Variants in UBE2O observed in about 807,000 individuals in gnomAD.
UBE2O encodes the protein ubiquitin conjugating enzyme E2 O, also known as (E3-independent) E2 ubiquitin-conjugating enzyme.
UBE2O carries 15 observed loss-of-function variants against 125.8 expected under a neutral mutation model. The ratio of observed to expected loss-of-function variants is 0.12; its 90% CI spans 0.08 to 0.18. The LOEUF is 0.18. UBE2O is among the 10% of genes least tolerant of loss of function. The pLI is 1.00. For synonymous variants in UBE2O, 708 were observed against 703.2 expected, an observed-to-expected ratio of 1.01 and a Z score of -0.11; for missense variants, 1,280 against 1,723.6, an observed-to-expected ratio of 0.74 and a Z score of 4.56.
Position 76,404,398 on chromosome 17 carries a change from G to A in UBE2O, c.588+808C>T, listed in dbSNP as rs2072382423. ...AACACGTGGGCATGAGGCAACACCAGGAAGACCCAGGCTGAGGGTCAAATT... is the reference window on the plus strand; with the variant it reads ...AACACGTGGGCATGAGGCAACACCAAGAAGACCCAGGCTGAGGGTCAAATT... On this transcript the variant is annotated intron_variant, in intron 3 of 17. Coordinates refer to ENST00000319380, the MANE Select transcript of UBE2O (RefSeq NM_022066.4). This position sits in a 1 kb window ranked among gnomAD's most constrained non-coding sequence, Gnocchi z 4.3. Among the ~76,000 whole-genome samples, 1 of 152,334 alleles carries A rather than the reference G, an allele frequency of 6.6e-6. No individual in the cohort carries two copies. The highest frequency in any genetic ancestry group is 2.1e-4 in the South Asian group (1 of 4,828).
In UBE2O at chr17:76,399,797, G is replaced by T. The variant is rs762840507; in HGVS notation, c.1280C>A (p.Ala427Glu). The T allele has an allele frequency of 6.2e-7, 1 of 1,614,218 alleles. No homozygotes were observed. The highest frequency in any genetic ancestry group is 1.7e-5 in the Admixed American group (1 of 60,028). ...CGTCTCCTCAGGGCTGGCAGACTCC[G>T]CTTCGCTCTTGGTTTTGGATTCCCC... ...KKGESKTKSEAESASPEETPD... is the reference protein window; with the variant it reads ...KKGESKTKSEEESASPEETPD... Residue 427 changes from alanine (A) to glutamate (E), a missense_variant, in exon 9 of 18, where the codon GCG (alanine) becomes GAG (glutamate). Physicochemically the swap from Ala to Glu is moderately radical, Grantham distance 107 (BLOSUM62 -1). Around this residue, in one of 10 missense-constraint regions of UBE2O, gnomAD observed 141 missense variants for 141.3 expected, o/e 1.00. Transcript: ENST00000319380. This position sits in a 1 kb window ranked among gnomAD's most constrained non-coding sequence, Gnocchi z 6.9.
rs1461962492 is a variant in UBE2O at position 76,452,404 on chromosome 17, C to G, written c.417+321G>C. ...CACTGGTGTAACGCCGAACGCGCCC[C>G]AGAACCTGAGTCCCCACGGGAGTCG... is the stretch of plus-strand genomic sequence containing the variant. On this transcript the variant is annotated intron_variant, in intron 1 of 17. Coordinates refer to ENST00000319380, the MANE Select transcript of UBE2O (RefSeq NM_022066.4). This position sits in a 1 kb window ranked among gnomAD's most constrained non-coding sequence, Gnocchi z 4.4. Among the ~76,000 whole-genome samples the G allele has an allele frequency of 6.6e-6, 1 of 152,160 alleles. No homozygotes were observed. The highest frequency in any genetic ancestry group is 1.5e-5 in the Non-Finnish European group (1 of 68,032).
intron 1 of UBE2O, chr17:76,430,944 T>A (rs989664906): frequency 3.3e-5 from 12 of 363,330 alleles, no homozygotes; most frequent in South Asian, 6.7e-5. Flanking sequence ...TACATCTGCC[T>A]AGATTCCTTG....
chr17:76,399,875 G>A lies in UBE2O; in HGVS notation c.1202C>T (p.Ser401Phe). ...GTCCCGGGAACACTGGGTGTCTGGG[G>A]AGCATGACATGATCCGCACAACCTG... Reference protein sequence around the residue: ...KKQVVRIMSCSPDTQCSRDHS... With the variant: ...KKQVVRIMSCFPDTQCSRDHS... Residue 401 changes from serine (S) to phenylalanine (F), a missense_variant, in exon 9 of 18, where the codon TCC becomes TTC. Ser to Phe is a radical substitution (Grantham distance 155). This residue lies in a region of UBE2O where 141 missense variants were observed against 141.3 expected (regional missense o/e 1.00). Transcript: ENST00000319380. This position sits in a 1 kb window ranked among gnomAD's most constrained non-coding sequence, Gnocchi z 6.9. The A allele has an allele frequency of 1.2e-6, 2 of 1,613,208 alleles. No individual in the cohort carries two copies. The highest frequency in any genetic ancestry group is 1.7e-6 in the Non-Finnish European group (2 of 1,179,566).
Position 76,410,042 on chromosome 17 carries a change from G to A in UBE2O, c.418-4470C>T, listed in dbSNP as rs902141900. On this transcript the variant is annotated intron_variant, in intron 1 of 17. Coordinates refer to ENST00000319380, the MANE Select transcript of UBE2O (RefSeq NM_022066.4). The surrounding 1 kb of genome is among the most constrained non-coding windows in gnomAD (Gnocchi z 4.0). ...GATGGGGAATGAGCTTACCAAGCAG[G>A]GAGGAGTAGCTGTCAAGGTGCTGGG... is the stretch of plus-strand genomic sequence containing the variant. Among the ~76,000 whole-genome samples, 4 of 152,150 alleles carry A rather than the reference G, an allele frequency of 2.6e-5. No individual in the cohort carries two copies. The highest frequency in any genetic ancestry group is 4.4e-5 in the Non-Finnish European group (3 of 68,036).
rs2072251035 is a variant in UBE2O, at chr17:76,398,219, T to C, written c.2025+36A>G. 1.9e-6 allele frequency: 3 copies of C among 1,613,628 alleles called. No homozygotes were observed. The highest frequency in any genetic ancestry group is 2.5e-6 in the Non-Finnish European group (3 of 1,179,750). On this transcript the variant is annotated intron_variant, in intron 12 of 17. Transcript: ENST00000319380. This position sits in a 1 kb window ranked among gnomAD's most constrained non-coding sequence, Gnocchi z 5.4. ...GGACTGCAGCTGGTGCACAGGGCAG[T>C]GAGCAGCCATCCAGAACTTGAATTT...
At chr17:76,450,975 C>T (rs1018578040) in intron 1 of UBE2O, among the ~76,000 whole-genome samples, 1 of 151,718 alleles carries the variant, frequency 6.6e-6, no homozygotes, top group Non-Finnish European at 1.5e-5. Flanking sequence ...TGTATAATTA[C>T]ACATAGTGCA....
chr17:76,436,779 G>A (rs2073003547), intron 1 of UBE2O, among the ~76,000 whole-genome samples: 2 of 152,154 alleles, frequency 1.3e-5, no homozygotes, highest in African/African-American at 2.4e-5. Context: ...AAAAGGTAAC[G>A]CCTCTTAGGA....
chr17:76,428,881 G>T (rs1165985712), intron 1 of UBE2O, among the ~76,000 whole-genome samples: 1 of 151,000 alleles, frequency 6.6e-6, no homozygotes, highest in African/African-American at 2.4e-5. Flanking sequence ...CTGCATGAAG[G>T]GTAGAGGGGA....
In UBE2O at chr17:76,398,607, G is replaced by A. The variant is rs1245099992; in HGVS notation, c.1784-23C>T. 14 of 1,608,590 alleles carry A rather than the reference G, an allele frequency of 8.7e-6. No homozygotes were observed. Among genetic ancestry groups the A allele is most frequent in the South Asian group, 4.4e-5 (4 of 90,968 alleles). On this transcript the variant is annotated intron_variant, in intron 10 of 17. Coordinates refer to ENST00000319380, the MANE Select transcript of UBE2O (RefSeq NM_022066.4). This position sits in a 1 kb window ranked among gnomAD's most constrained non-coding sequence, Gnocchi z 5.4. ...GGACTAGGGAACCAGAGAAAGGGAA[G>A]TGACTAGCTAAGGGATCCCGGCTAA...
At chr17:76,427,307 C>G (rs1328116761) in intron 1 of UBE2O, among the ~76,000 whole-genome samples, 3 of 152,194 alleles carry the variant, frequency 2.0e-5, no homozygotes, top group Non-Finnish European at 4.4e-5. Flanking sequence ...GGGGTTTTAA[C>G]TCAATGTTTT....
intron 1 of UBE2O, among the ~76,000 whole-genome samples, chr17:76,442,641 G>A (rs564415881): frequency 6.6e-6 from 1 of 152,328 alleles, no homozygotes; most frequent in African/African-American, 2.4e-5. Context: ...ATTGAGTTGG[G>A]GAAAAGCAGT....
chr17:76,397,412 G>T lies in UBE2O; in HGVS notation c.2115+387C>A, dbSNP rs534640260. On this transcript the variant is annotated intron_variant, in intron 13 of 17. Coordinates refer to ENST00000319380, the MANE Select transcript of UBE2O (RefSeq NM_022066.4). Reference sequence around the variant, plus strand: ...TTCTGCTCAGGACCCAGCAGGTGGGGCTAGAACTGGGTCGGCTCTCTCCTT... The same window carrying T: ...TTCTGCTCAGGACCCAGCAGGTGGGTCTAGAACTGGGTCGGCTCTCTCCTT... Among the ~76,000 whole-genome samples, 14 of 152,334 alleles carry T rather than the reference G, an allele frequency of 9.2e-5. 1 individual carries two copies. Among genetic ancestry groups the T allele is most frequent in the Admixed American group, 9.1e-4 (14 of 15,312 alleles).
Position 76,396,891 on chromosome 17 carries a change from T to G in UBE2O, c.2116-70A>C. On this transcript the variant is annotated intron_variant, in intron 13 of 17. Coordinates refer to ENST00000319380, the MANE Select transcript of UBE2O (RefSeq NM_022066.4). The surrounding 1 kb of genome is among the most constrained non-coding windows in gnomAD (Gnocchi z 6.7). Reference sequence around the variant, plus strand: ...CCTCCCCACCACTAAGGAGGAGCTCTGGGGATCCCTGATCCGCACAGCTGA... The same window carrying G: ...CCTCCCCACCACTAAGGAGGAGCTCGGGGGATCCCTGATCCGCACAGCTGA... 7.3e-7 allele frequency: 1 copy of G among 1,367,758 alleles called. No homozygotes were observed. Among genetic ancestry groups the G allele is most frequent in the Non-Finnish European group, 1.0e-6 (1 of 1,003,586 alleles). 84.7% of individuals were successfully genotyped at this position (1,367,758 alleles called of 1,614,324 possible). A position where few individuals can be genotyped will look rare whatever the true frequency, so the allele number is the denominator to read the frequency against.
At chr17:76,397,937 T>C in intron 12 of UBE2O, 49 bp from the exon 13 acceptor site, 1 of 1,592,450 alleles carries the variant, frequency 6.3e-7, no homozygotes, top group Non-Finnish European at 8.6e-7. Flanking sequence ...AAGCTCCAGC[T>C]CCCCAGCCCC....
rs115247230 is a variant in UBE2O, at chr17:76,439,533, T to C, written c.417+13192A>G. ...ATGACGTCACTGCTCTGATGGCCAATAGAATGTATGCCCAGGCATTCTTGG... is the reference window on the plus strand; with the variant it reads ...ATGACGTCACTGCTCTGATGGCCAACAGAATGTATGCCCAGGCATTCTTGG... On this transcript the variant is annotated intron_variant, in intron 1 of 17. Coordinates refer to ENST00000319380, the MANE Select transcript of UBE2O (RefSeq NM_022066.4). Among the ~76,000 whole-genome samples the C allele has an allele frequency of 9.6e-3, 1,469 of 152,328 alleles. 27 individuals carry two copies. The highest frequency in any genetic ancestry group is 0.032 in the African/African-American group (1,333 of 41,576).
In UBE2O at chr17:76,452,841, A is replaced by C; in HGVS notation, c.301T>G (p.Cys101Gly). ...GEEEGRGSSG[C>G]SEAGGAGHEE... Reference sequence around the variant, plus strand: ...TGGCCCGCGCCCCCGGCCTCGGAGCACCCCGAGCTCCCGCGGCCCTCCTCC... The same window carrying C: ...TGGCCCGCGCCCCCGGCCTCGGAGCCCCCCGAGCTCCCGCGGCCCTCCTCC... The change falls in exon 1 of 18, where the codon TGC becomes GGC. Residue 101 changes from cysteine (C) to glycine (G), a missense_variant. Cys to Gly is a radical substitution (Grantham distance 159). Coordinates refer to ENST00000319380, the MANE Select transcript of UBE2O (RefSeq NM_022066.4). This position sits in a 1 kb window ranked among gnomAD's most constrained non-coding sequence, Gnocchi z 4.4. 3 of 1,503,214 alleles carry C rather than the reference A, an allele frequency of 2.0e-6. No homozygotes were observed. Among genetic ancestry groups the C allele is most frequent in the Non-Finnish European group, 2.7e-6 (3 of 1,126,478 alleles). 93.1% of individuals were successfully genotyped at this position (1,503,214 alleles called of 1,614,324 possible).
chr17:76,449,620 TA>T (rs996526134), intron 1 of UBE2O, among the ~76,000 whole-genome samples: 5 of 151,048 alleles, frequency 3.3e-5, no homozygotes, highest in African/African-American at 9.7e-5. Context: ...AGCAGCTTAT[TA>T]AAAAAAATAA....
intron 1 of UBE2O, among the ~76,000 whole-genome samples, chr17:76,450,683 G>A (rs1327795862): frequency 1.3e-5 from 2 of 151,966 alleles, no homozygotes; most frequent in African/African-American, 4.8e-5. Flanking sequence ...GTGCAATGGT[G>A]CCATCTCAGC....
Sources: allele counts gnomAD v4.1 joint callset (sites outside exome capture counted in the v4.1 genomes callset), GRCh38; gene constraint gnomAD v4.1.1; regional missense constraint gnomAD v4.1.1; non-coding constraint Gnocchi (gnomAD v3.1); transcripts MANE v1.5; gene names NCBI Gene and HGNC (gene_info 2026-07-23, HGNC 2026-07-21).